The following ESR2 variants were observed in gnomAD, a reference collection of about 807,000 sequenced individuals.
ESR2 encodes estrogen receptor 2.
In ESR2, 36 loss-of-function variants were observed where a neutral mutation model predicts 49.6. The observed-to-expected ratio is 0.73, with a 90% confidence interval of 0.56 to 0.96. ESR2 has a LOEUF of 0.96. ESR2 is among the 40% of genes least tolerant of loss of function. The pLI is 0.00. For missense variants in ESR2, 714 were observed against 693.0 expected, an observed-to-expected ratio of 1.03 and a Z score of -0.34; for synonymous variants, 320 against 266.1, an observed-to-expected ratio of 1.20 and a Z score of -1.97.
intron 1 of ESR2, among the ~76,000 whole-genome samples, chr14:64,331,526 G>A (rs910980331): frequency 1.3e-5 from 2 of 152,224 alleles, no homozygotes; most frequent in Non-Finnish European, 1.5e-5. Flanking sequence ...ACCAGACATG[G>A]TGTAAAAAGA....
At chr14:64,290,090 G>A (rs1473868571) in intron 1 of ESR2, among the ~76,000 whole-genome samples, 1 of 152,086 alleles carries the variant, frequency 6.6e-6, no homozygotes, top group African/African-American at 2.4e-5. Context: ...TGGGGGGTGG[G>A]GGTTATACTC....
chr14:64,311,548 G>C (rs73269910), intron 1 of ESR2, among the ~76,000 whole-genome samples: 2 of 151,412 alleles, frequency 1.3e-5, no homozygotes, highest in Admixed American at 1.3e-4. Context: ...GCAGAGATGA[G>C]AGAATAATTG....
rs531039794 is a variant in ESR2, at chr14:64,244,361, C to T, written c.1225+5185G>A. Among the ~76,000 whole-genome samples, 106 of 150,916 alleles carry T rather than the reference C, an allele frequency of 7.0e-4. No homozygotes were observed. The Middle Eastern group carries it at 0.017, about 24-fold the overall frequency. On this transcript the variant is annotated intron_variant, in intron 7 of 8. Coordinates refer to ENST00000341099, the MANE Select transcript of ESR2 (RefSeq NM_001437.3). ...GTTGCAGTGAGCCAAGATGGCACCA[C>T]TGCACTCCAGCCTGAGTAACAAAGC... is the stretch of plus-strand genomic sequence containing the variant.
chr14:64,248,104 G>C (rs1191481778), intron 7 of ESR2, among the ~76,000 whole-genome samples: 1 of 152,152 alleles, frequency 6.6e-6, no homozygotes, highest in Non-Finnish European at 1.5e-5. Flanking sequence ...TGAGGTGGGA[G>C]AATCACTTGA....
chr14:64,278,513 A>G (rs2076601345), intron 3 of ESR2, among the ~76,000 whole-genome samples: 1 of 152,220 alleles, frequency 6.6e-6, no homozygotes, highest in African/African-American at 2.4e-5. Context: ...TTTACACACT[A>G]TGAATTCTCT....
At chr14:64,319,863 A>C (rs2077304855) in intron 1 of ESR2, among the ~76,000 whole-genome samples, 1 of 152,226 alleles carries the variant, frequency 6.6e-6, no homozygotes, top group Non-Finnish European at 1.5e-5. Flanking sequence ...ATTTTGTAAA[A>C]CAGTTTGGCA....
At chr14:64,227,182 T>C (rs1055492217), downstream of ESR2, 4 of 292,518 alleles carry the variant, frequency 1.4e-5, no homozygotes, top group African/African-American at 6.7e-5. Context: ...CCCAGTCCCC[T>C]CCTCCCCTTC....
Position 64,282,836 on chromosome 14 carries a change from G to A in ESR2, c.150C>T (p.Ser50=), listed in dbSNP as rs557221858. ...HHEYPAMTFY[S]PAVMNYSIPS... is the part of the protein sequence containing the mutation. ...GAATGCTGTAATTCATCACAGCAGGGCTATAGAATGTCATGGCTGGATATT... is the reference window on the plus strand; with the variant it reads ...GAATGCTGTAATTCATCACAGCAGGACTATAGAATGTCATGGCTGGATATT... The change falls in exon 2 of 9, where the codon AGC becomes AGT. Residue 50 remains serine, a synonymous_variant. Coordinates refer to ENST00000341099, the MANE Select transcript of ESR2 (RefSeq NM_001437.3). The A allele has an allele frequency of 2.5e-5, 41 of 1,614,198 alleles. No homozygotes were observed. The South Asian group carries it at 4.2e-4, about 16-fold the overall frequency.
chr14:64,243,497 T>G (rs1211690580), intron 7 of ESR2, among the ~76,000 whole-genome samples: 1 of 152,266 alleles, frequency 6.6e-6, no homozygotes, highest in African/African-American at 2.4e-5. Context: ...GTATCTGTGA[T>G]GCACAATAAA....
chr14:64,253,014 C>T (rs2076020719), intron 6 of ESR2, among the ~76,000 whole-genome samples: 1 of 151,886 alleles, frequency 6.6e-6, no homozygotes, highest in African/African-American at 2.4e-5. Context: ...CACCACTATG[C>T]CTGGCTAATT....
rs2076714642 is a variant in ESR2, at chr14:64,283,063, G to T, written c.-78C>A. On this transcript the variant is annotated 5_prime_UTR_variant, in exon 2 of 9. Coordinates refer to ENST00000341099, the MANE Select transcript of ESR2 (RefSeq NM_001437.3). ...TTATAATGTTCTCAAAGATTCGTGGGCAAGTATAATGGCTGTAAAGAAACA... is the reference window on the plus strand; with the variant it reads ...TTATAATGTTCTCAAAGATTCGTGGTCAAGTATAATGGCTGTAAAGAAACA... The T allele has an allele frequency of 2.1e-6, 3 of 1,456,440 alleles. No homozygotes were observed. The South Asian group carries it at 4.1e-5, about 20-fold the overall frequency. The allele number at this position is 1,456,440 out of a possible 1,614,324, so 90.2% of individuals were successfully genotyped here.
upstream of ESR2, among the ~76,000 whole-genome samples, chr14:64,295,308 GA>G (rs2076943065): frequency 6.6e-6 from 1 of 152,202 alleles, no homozygotes; most frequent in Non-Finnish European, 1.5e-5. Flanking sequence ...AGAGGAAGAC[GA>G]GGGGGGGCAT....
At chr14:64,252,731 T>C (rs1246130527) in intron 6 of ESR2, among the ~76,000 whole-genome samples, 3 of 152,174 alleles carry the variant, frequency 2.0e-5, no homozygotes, top group Non-Finnish European at 4.4e-5. Context: ...GAGAACAGCA[T>C]GGGGGAAACC....
intron 1 of ESR2, among the ~76,000 whole-genome samples, chr14:64,305,626 G>A (rs902686899): frequency 1.6e-4 from 25 of 151,876 alleles, no homozygotes; most frequent in Admixed American, 5.2e-4. Flanking sequence ...AGCCAAGATC[G>A]CACCACTGCA....
At chr14:64,291,660 C>G (rs925376901) in intron 1 of ESR2, among the ~76,000 whole-genome samples, 2 of 152,170 alleles carry the variant, frequency 1.3e-5, no homozygotes, top group Non-Finnish European at 2.9e-5. Flanking sequence ...CTCCACCCTG[C>G]AGGAAAATCT....
At chr14:64,247,089 A>G (rs1172301702) in intron 7 of ESR2, among the ~76,000 whole-genome samples, 2 of 152,152 alleles carry the variant, frequency 1.3e-5, no homozygotes, top group Non-Finnish European at 1.5e-5. Flanking sequence ...CTCTCTCCAG[A>G]GCTAATGTAT....
In ESR2 at chr14:64,253,259, T is replaced by C. The variant is rs146590672; in HGVS notation, c.1092-3580A>G. 9.7e-3 allele frequency among the ~76,000 whole-genome samples: 1,479 copies of C among 151,748 alleles called. 32 individuals are homozygous for C. The highest frequency in any genetic ancestry group is 0.034 in the African/African-American group (1,412 of 41,342). On this transcript the variant is annotated intron_variant, in intron 6 of 8. Transcript: ENST00000341099. ...CAGCTGGAGTGCAATGACGTGATCT[T>C]GGCTCACTGCAACCTCCACTTCCTG...
rs1013167371 is a variant in ESR2, at chr14:64,233,034, T to C, written c.*103A>G. 61 of 1,501,316 alleles carry C rather than the reference T, an allele frequency of 4.1e-5. No individual in the cohort carries two copies. The highest frequency in any genetic ancestry group is 4.7e-5 in the Non-Finnish European group (53 of 1,124,694). 93.0% of individuals were successfully genotyped at this position (1,501,316 alleles called of 1,614,324 possible). ...CATGACCAAGCCTGCCATCACCAAA[T>C]GAGGGACCACACAGCAGAAAGATGA... On this transcript the variant is annotated 3_prime_UTR_variant, in exon 9 of 9. Coordinates refer to ENST00000341099, the MANE Select transcript of ESR2 (RefSeq NM_001437.3).
rs1194149118 is a variant in ESR2, at chr14:64,229,949, C to T, written c.*3188G>A. 6.6e-6 allele frequency among the ~76,000 whole-genome samples: 1 copy of T among 152,044 alleles called. No homozygotes were observed. Among genetic ancestry groups the T allele is most frequent in the Non-Finnish European group, 1.5e-5 (1 of 68,030 alleles). On this transcript the variant is annotated 3_prime_UTR_variant, in exon 9 of 9. Coordinates refer to ENST00000341099, the MANE Select transcript of ESR2 (RefSeq NM_001437.3). ...ATCTCAGCACTTTGGGAGGCCTTGG[C>T]AGGCAGATCGCTGGAGCCCAGGAGT...
Sources: gnomAD v4.1 joint callset for allele counts (sites outside exome capture counted in the v4.1 genomes callset) on GRCh38, gnomAD v4.1.1 for gene constraint, MANE v1.5 for transcripts, NCBI Gene and HGNC (gene_info 2026-07-23, HGNC 2026-07-21) for gene names.